RELN: variants seen among roughly 807,000 people sequenced by gnomAD.
The protein encoded by RELN is reelin.
Under a neutral mutation model 427.6 loss-of-function variants are expected in RELN, and 108 were observed. The observed-to-expected ratio is 0.25, with a 90% CI of 0.22 to 0.30. The LOEUF is 0.30. RELN is among the 10% of genes least tolerant of loss of function. The pLI, the probability that RELN is intolerant of heterozygous loss-of-function variation, is 1.00. For missense variants in RELN, 3,715 were observed against 4,302.8 expected, an observed-to-expected ratio of 0.86 and a Z score of 3.82; for synonymous variants, 1,524 against 1,513.4, an observed-to-expected ratio of 1.01 and a Z score of -0.16.
intron 6 of RELN, among the ~76,000 whole-genome samples, chr7:103,742,648 C>T (rs1041477332): frequency 1.3e-5 from 2 of 152,128 alleles, no homozygotes; most frequent in African/African-American, 4.8e-5. Context: ...ATGCGATCAA[C>T]TGGAAGAAAG....
chr7:103,744,236 C>T (rs374951894), intron 6 of RELN, among the ~76,000 whole-genome samples: 5 of 152,082 alleles, frequency 3.3e-5, no homozygotes, highest in Non-Finnish European at 5.9e-5. Context: ...ACACAACATA[C>T]CAGAATCTCT....
intron 8 of RELN, among the ~76,000 whole-genome samples, chr7:103,718,200 G>A (rs571623866): frequency 6.6e-5 from 10 of 151,946 alleles, no homozygotes; most frequent in Admixed American, 6.6e-5. Context: ...CTGAGACTCC[G>A]TAGCATGTAC....
At chr7:103,918,792 CAG>C (rs1301586550) in intron 1 of RELN, among the ~76,000 whole-genome samples, 5 of 152,052 alleles carry the variant, frequency 3.3e-5, no homozygotes, top group Non-Finnish European at 7.4e-5. Flanking sequence ...AAAAAGAAGA[CAG>C]AGAAAAGTTG....
At chr7:103,855,160 G>T (rs554526543) in intron 2 of RELN, among the ~76,000 whole-genome samples, 1 of 152,236 alleles carries the variant, frequency 6.6e-6, no homozygotes, top group Non-Finnish European at 1.5e-5. Context: ...GAAAGAAAGA[G>T]TAAAATTCTC....
At chr7:103,564,951 G>A (rs956808009) in intron 34 of RELN, among the ~76,000 whole-genome samples, 1 of 152,168 alleles carries the variant, frequency 6.6e-6, no homozygotes, top group Non-Finnish European at 1.5e-5. Flanking sequence ...CCAATATGTG[G>A]TAATTTCACA....
intron 3 of RELN, among the ~76,000 whole-genome samples, chr7:103,785,017 G>C (rs1584490669): frequency 6.6e-6 from 1 of 152,232 alleles, no homozygotes; most frequent in Non-Finnish European, 1.5e-5. Context: ...GATAATAATA[G>C]TCAAGACAAA....
At chr7:103,553,375 T>C (rs1830453843) in intron 40 of RELN, 86 bp downstream of exon 40, 6 of 1,041,240 alleles carry the variant, frequency 5.8e-6, no homozygotes, top group Middle Eastern at 2.0e-4. Flanking sequence ...TCATAATGCA[T>C]GAAATTATCT....
intron 11 of RELN, among the ~76,000 whole-genome samples, chr7:103,662,040 T>C (rs1278362544): frequency 6.6e-6 from 1 of 152,156 alleles, no homozygotes; most frequent in African/African-American, 2.4e-5. Context: ...GGTAATTGGA[T>C]ATGTAGAAGA....
chr7:103,876,942 C>T (rs1794493888), intron 2 of RELN, among the ~76,000 whole-genome samples: 1 of 151,982 alleles, frequency 6.6e-6, no homozygotes, highest in Non-Finnish European at 1.5e-5. Context: ...CCTATGGACA[C>T]TTTTCAGGCT....
intron 51 of RELN, among the ~76,000 whole-genome samples, chr7:103,509,784 C>A (rs189528729): frequency 6.7e-6 from 1 of 149,440 alleles, no homozygotes; most frequent in East Asian, 2.0e-4. Context: ...CTACAAAGAC[C>A]TTAAAGAAAT....
Position 103,604,449 on chromosome 7 carries a change from A to G in RELN, c.3043T>C (p.Tyr1015His). ...GCCCACTCGTCTTGAGCTGTGTAAT[A>G]GCTCTGGCTCCAGCGGAAACGGGTA... is the stretch of plus-strand genomic sequence containing the variant. ...SATRFRWSQS[Y>H]YTAQDEWALD... The change falls in exon 23 of 65, where the codon TAT (tyrosine) becomes CAT (histidine). Residue 1015 changes from tyrosine (Y) to histidine (H), a missense_variant. Around this residue, in one of 4 missense-constraint regions of RELN, gnomAD observed 2,208 missense variants for 2,361.7 expected, o/e 0.93. Coordinates refer to ENST00000428762, the MANE Select transcript of RELN (RefSeq NM_005045.4). 6.2e-7 allele frequency: 1 copy of G among 1,613,962 alleles called. No homozygotes were observed. The highest frequency in any genetic ancestry group is 1.7e-5 in the Admixed American group (1 of 60,006).
chr7:103,780,869 C>T (rs1791871471), intron 3 of RELN, among the ~76,000 whole-genome samples: 1 of 152,268 alleles, frequency 6.6e-6, no homozygotes, highest in East Asian at 1.9e-4. Context: ...ATATTTCTTC[C>T]AATGAAGACC....
intron 3 of RELN, among the ~76,000 whole-genome samples, chr7:103,801,712 T>C (rs1216674408): frequency 1.4e-5 from 2 of 146,274 alleles, no homozygotes; most frequent in African/African-American, 5.2e-5. Context: ...ACATGTACCC[T>C]AGAACTTAAA....
At chr7:103,926,959 A>G (rs1339025081) in intron 1 of RELN, among the ~76,000 whole-genome samples, 2 of 152,146 alleles carry the variant, frequency 1.3e-5, no homozygotes, top group Non-Finnish European at 2.9e-5. Flanking sequence ...CTTTTTAAAC[A>G]AGTTTTTCTA....
chr7:103,553,627 C>T (rs777304322), intron 39 of RELN, 33 bp downstream of exon 39: 2 of 1,612,640 alleles, frequency 1.2e-6, no homozygotes, highest in African/African-American at 1.3e-5. Context: ...TTGTATACAG[C>T]AGTGGTTTTA....
chr7:103,817,496 A>G (rs1421465003), intron 3 of RELN, among the ~76,000 whole-genome samples: 2 of 152,216 alleles, frequency 1.3e-5, no homozygotes, highest in Non-Finnish European at 2.9e-5. Flanking sequence ...AGGACTTTAA[A>G]GGCTCTCCTA....
chr7:103,604,826 T>C (rs919616416), intron 22 of RELN, among the ~76,000 whole-genome samples: 1 of 116,254 alleles, frequency 8.6e-6, no homozygotes, highest in Non-Finnish European at 1.8e-5. Flanking sequence ...ACTGAACCTA[T>C]CTTTCTTTTT....
At chr7:103,884,831 G>A (rs942518989) in intron 2 of RELN, among the ~76,000 whole-genome samples, 6 of 152,158 alleles carry the variant, frequency 3.9e-5, no homozygotes, top group Non-Finnish European at 8.8e-5. Flanking sequence ...TTACACTGTT[G>A]GTGGGAGTGT....
At position 103,951,688 on chromosome 7, in the gene RELN, T is replaced by A. The variant is rs560673098; in HGVS notation, c.227-34503A>T. 7.3e-5 allele frequency among the ~76,000 whole-genome samples: 11 copies of A among 151,212 alleles called. No homozygotes were observed. In the South Asian group the frequency reaches 8.3e-4, roughly 11 times the overall value. On this transcript the variant is annotated intron_variant, in intron 1 of 64. Transcript: ENST00000428762. ...CGACATTGCTAGCCTTTTTTTTTTT[T>A]AAAATACAGAGTCTTGTTCTGTTGC...
Sources: gnomAD v4.1 joint callset for allele counts (sites outside exome capture counted in the v4.1 genomes callset) on GRCh38, gnomAD v4.1.1 for gene constraint, gnomAD v4.1.1 regional missense constraint, MANE v1.5 for transcripts, NCBI Gene and HGNC (gene_info 2026-07-23, HGNC 2026-07-21) for gene names.